PCDHA10: variants seen among roughly 807,000 people sequenced by gnomAD.
PCDHA10 encodes the protein protocadherin alpha-10.
A neutral mutation model predicts 61.2 loss-of-function variants in PCDHA10; 45 were observed. That is an observed-to-expected ratio of 0.74 (90% CI 0.58 to 0.94). The LOEUF (loss-of-function observed/expected upper bound fraction) is 0.94. PCDHA10 is among the 40% of genes least tolerant of loss of function. PCDHA10 has a pLI of 0.00. For synonymous variants in PCDHA10, 602 were observed against 548.8 expected, an observed-to-expected ratio of 1.10 and a Z score of -1.35; for missense variants, 1,278 against 1,236.2, an observed-to-expected ratio of 1.03 and a Z score of -0.51.
chr5:140,962,516 A>C (rs1554226093), intron 1 of PCDHA10, among the ~76,000 whole-genome samples: 1 of 152,208 alleles, frequency 6.6e-6, no homozygotes, highest in Non-Finnish European at 1.5e-5. Flanking sequence ...ACTATCAATA[A>C]TATATTAGTT....
At chr5:140,957,799 TA>T (rs1430681763) in intron 1 of PCDHA10, among the ~76,000 whole-genome samples, 2 of 152,032 alleles carry the variant, frequency 1.3e-5, no homozygotes, top group African/African-American at 2.4e-5. Context: ...ATATGTTAAG[TA>T]AAAAAAAGTC....
chr5:140,969,672 A>C (rs1251717537), intron 1 of PCDHA10, among the ~76,000 whole-genome samples: 2 of 152,198 alleles, frequency 1.3e-5, no homozygotes, highest in African/African-American at 4.8e-5. Context: ...TAATGTTATG[A>C]GACTCAAGGA....
rs538322622 is a variant in PCDHA10 at position 140,884,083 on chromosome 5, G to T, written c.2388+25647G>T. 35 of 1,613,596 alleles carry T rather than the reference G, an allele frequency of 2.2e-5. No individual in the cohort carries two copies. The South Asian group carries it at 3.6e-4, about 17-fold the overall frequency. On this transcript the variant is annotated intron_variant, in intron 1 of 3. Coordinates refer to ENST00000307360, the MANE Select transcript of PCDHA10 (RefSeq NM_018901.4). The stretch of plus-strand genomic sequence containing the variant: ...TGGACGCCGATTCGGGCTACAATGC[G>T]TGGCTTTCGTATGAATTGCAGCTGG...
Position 140,914,249 on chromosome 5 carries a change from G to T in PCDHA10, c.2388+55813G>T, listed in dbSNP as rs186578589. 2.8e-3 allele frequency among the ~76,000 whole-genome samples: 422 copies of T among 152,092 alleles called. 2 individuals carry two copies. Among genetic ancestry groups the T allele is most frequent in the Middle Eastern group, 0.014 (4 of 294 alleles). ...AATACTATTTGCTTTTTATATCTGG[G>T]TGCTTCAATGGTGGGTGCATATATA... is the stretch of plus-strand genomic sequence containing the variant. On this transcript the variant is annotated intron_variant, in intron 1 of 3. Coordinates refer to ENST00000307360, the MANE Select transcript of PCDHA10 (RefSeq NM_018901.4).
chr5:140,942,391 G>A (rs901640537), intron 1 of PCDHA10, among the ~76,000 whole-genome samples: 1 of 151,546 alleles, frequency 6.6e-6, no homozygotes, highest in Non-Finnish European at 1.5e-5. Context: ...CAGCCTGGGC[G>A]ACAGATGAGA....
At chr5:140,989,329 C>A (rs1554250749) in intron 3 of PCDHA10, among the ~76,000 whole-genome samples, 2 of 152,120 alleles carry the variant, frequency 1.3e-5, no homozygotes, top group African/African-American at 4.8e-5. Context: ...AACTTTGCCA[C>A]CTGACTCAGC....
intron 1 of PCDHA10, chr5:140,870,528 A>G (rs556976390): frequency 3.1e-6 from 5 of 1,614,214 alleles, no homozygotes; most frequent in African/African-American, 2.7e-5. Context: ...ACATCTTCAC[A>G]GTGTCGGCGC....
At chr5:140,873,476 G>A (rs2054312814) in intron 1 of PCDHA10, among the ~76,000 whole-genome samples, 1 of 151,958 alleles carries the variant, frequency 6.6e-6, no homozygotes, top group African/African-American at 2.4e-5. Flanking sequence ...CAAATTACTT[G>A]GACTGATTTC....
In PCDHA10 at chr5:140,856,245, C is replaced by T. The variant is rs782062442; in HGVS notation, c.197C>T (p.Ala66Val). 5.5e-5 allele frequency: 88 copies of T among 1,597,902 alleles called. 5 individuals are homozygous for T. The South Asian group carries it at 8.8e-4, about 16-fold the overall frequency. The change falls in exon 1 of 4, where the codon GCG becomes GTG. Residue 66 changes from alanine (A) to valine (V), a missense_variant. Physicochemically the swap from Ala to Val is moderately conservative, Grantham distance 64. Coordinates refer to ENST00000307360, the MANE Select transcript of PCDHA10 (RefSeq NM_018901.4). ...AELVQRLFRV[A>V]SKRHGDLLEV... ...CTGGTGCAGCGCCTGTTCCGGGTGGCGTCCAAAAGACACGGGGACCTTCTG... is the reference window on the plus strand; with the variant it reads ...CTGGTGCAGCGCCTGTTCCGGGTGGTGTCCAAAAGACACGGGGACCTTCTG...
rs1554263543 is a variant in PCDHA10, at chr5:141,011,545, G to A, written c.*1608G>A. 1 of 153,624 alleles carries A rather than the reference G, an allele frequency of 6.5e-6. No individual in the cohort carries two copies. Among genetic ancestry groups the A allele is most frequent in the Non-Finnish European group, 1.5e-5 (1 of 68,004 alleles). 9.5% of individuals were successfully genotyped at this position (153,624 alleles called of 1,614,324 possible). A position where few individuals can be genotyped will look rare whatever the true frequency, so the allele number is the denominator to read the frequency against. Reference sequence around the variant, plus strand: ...TTAACCATTGTTAATCAGCTTTTGTGTATGAAAGACACAGTAAAATTTCTT... The same window carrying A: ...TTAACCATTGTTAATCAGCTTTTGTATATGAAAGACACAGTAAAATTTCTT... On this transcript the variant is annotated 3_prime_UTR_variant, in exon 4 of 4. Coordinates refer to ENST00000307360, the MANE Select transcript of PCDHA10 (RefSeq NM_018901.4).
intron 1 of PCDHA10, among the ~76,000 whole-genome samples, chr5:140,957,554 G>A (rs1291687434): frequency 6.6e-6 from 1 of 152,074 alleles, no homozygotes; most frequent in African/African-American, 2.4e-5. Flanking sequence ...ATTCTCTGTG[G>A]AAAAGGAGGG....
chr5:140,942,608 T>G (rs1221656316), intron 1 of PCDHA10, among the ~76,000 whole-genome samples: 3 of 114,466 alleles, frequency 2.6e-5, no homozygotes, highest in Non-Finnish European at 5.4e-5. Context: ...AGTGTTTATA[T>G]TTGCCAATTG....
intron 1 of PCDHA10, among the ~76,000 whole-genome samples, chr5:140,933,436 A>G (rs1554209364): frequency 6.6e-6 from 1 of 152,102 alleles, no homozygotes; most frequent in Non-Finnish European, 1.5e-5. Flanking sequence ...GGGGCACTCT[A>G]ATGACATACC....
At chr5:140,876,752 C>A (rs374137138) in intron 1 of PCDHA10, 2 of 1,614,194 alleles carry the variant, frequency 1.2e-6, no homozygotes, top group Non-Finnish European at 1.7e-6. Context: ...GTGGTGACTG[C>A]GCGGGATGGG....
intron 1 of PCDHA10, chr5:140,882,798 A>AT: frequency 6.2e-7 from 1 of 1,614,236 alleles, no homozygotes; most frequent in Non-Finnish European, 8.5e-7. Flanking sequence ...CCCAACGATT[A>AT]TTTCACTTTG....
chr5:140,877,317 G>C (rs535177109), intron 1 of PCDHA10: 5 of 1,614,004 alleles, frequency 3.1e-6, no homozygotes, highest in Admixed American at 1.7e-5. Context: ...AACCGGCGGC[G>C]GTCGGCGCGC....
chr5:140,859,311 T>C (rs1441323923), intron 1 of PCDHA10: 1 of 128,808 alleles, frequency 7.8e-6, no homozygotes, highest in Non-Finnish European at 1.8e-5. Flanking sequence ...GAATTAATAT[T>C]AAAAGTTTGA....
chr5:140,915,638 C>CTT (rs1183097723), intron 1 of PCDHA10, among the ~76,000 whole-genome samples: 1 of 151,724 alleles, frequency 6.6e-6, no homozygotes, highest in African/African-American at 2.4e-5. Context: ...CTCTCTCTCT[C>CTT]TCTCTCTCTC....
At chr5:140,967,221 A>G (rs1198233262) in intron 1 of PCDHA10, 3 of 1,613,620 alleles carry the variant, frequency 1.9e-6, no homozygotes, top group African/African-American at 1.3e-5. Context: ...CCGCGGCCCA[A>G]CTACCAGCTT....
Sources: allele counts gnomAD v4.1 joint callset (sites outside exome capture counted in the v4.1 genomes callset), GRCh38; gene constraint gnomAD v4.1.1; transcripts MANE v1.5; gene names NCBI Gene and HGNC (gene_info 2026-07-23, HGNC 2026-07-21).